The following PPARGC1A variants were observed in gnomAD, a reference collection of about 807,000 sequenced individuals.
The protein encoded by PPARGC1A is peroxisome proliferator-activated receptor gamma coactivator 1-alpha.
PPARGC1A carries 25 observed loss-of-function variants against 88.7 expected under a neutral mutation model. That is an observed-to-expected ratio of 0.28 (90% CI 0.21 to 0.39). The LOEUF is 0.39. PPARGC1A is among the 10% of genes least tolerant of loss of function. The pLI is 1.00. For missense variants in PPARGC1A, 880 were observed against 968.7 expected (o/e 0.91, Z 1.22); for synonymous variants, 363 against 355.6 (o/e 1.02, Z -0.24).
At chr4:24,170,037 C>T in the PPARGC1A span, among the ~76,000 whole-genome samples, 1 of 152,152 alleles carries the variant, frequency 6.6e-6, no homozygotes, top group African/African-American at 2.4e-5. Context: ...ACACTTTCCA[C>T]AATAGGTGGC....
chr4:24,222,957 C>A, the PPARGC1A span, among the ~76,000 whole-genome samples: 1 of 151,990 alleles, frequency 6.6e-6, no homozygotes, highest in African/African-American at 2.4e-5. Flanking sequence ...GCAAAAGAAA[C>A]AAAACTAAGC....
the PPARGC1A span, among the ~76,000 whole-genome samples, chr4:24,241,749 A>T: frequency 6.6e-6 from 1 of 152,190 alleles, no homozygotes; most frequent in Non-Finnish European, 1.5e-5. Flanking sequence ...GCAACTCCAA[A>T]CATCCAGATG....
intron 8 of PPARGC1A, 41 bp from the exon 9 acceptor site, chr4:23,813,166 C>T: frequency 3.9e-6 from 6 of 1,547,840 alleles, no homozygotes; most frequent in Non-Finnish European, 5.4e-6. Flanking sequence ...TTTGCAACTG[C>T]CACTTAACCC....
the PPARGC1A span, among the ~76,000 whole-genome samples, chr4:24,244,634 A>G: frequency 6.6e-6 from 1 of 152,200 alleles, no homozygotes; most frequent in African/African-American, 2.4e-5. Context: ...GTCACACTAA[A>G]TCAACCAGGG....
At chr4:23,868,791 T>G (rs1421233306) in intron 2 of PPARGC1A, among the ~76,000 whole-genome samples, 2 of 152,154 alleles carry the variant, frequency 1.3e-5, no homozygotes, top group African/African-American at 4.8e-5. Context: ...AAACAACCAG[T>G]CTTTAAAATA....
chr4:24,004,700 A>G, the PPARGC1A span, among the ~76,000 whole-genome samples: 1 of 152,200 alleles, frequency 6.6e-6, no homozygotes, highest in African/African-American at 2.4e-5. Context: ...ATAATTCAAC[A>G]GTTGAAGAAC....
the PPARGC1A span, among the ~76,000 whole-genome samples, chr4:24,428,479 A>T: frequency 6.6e-6 from 1 of 152,204 alleles, no homozygotes; most frequent in Non-Finnish European, 1.5e-5. Flanking sequence ...CTTCAAAACA[A>T]TCCTGTAGGG....
chr4:23,957,611 T>C, the PPARGC1A span, among the ~76,000 whole-genome samples: 1 of 152,090 alleles, frequency 6.6e-6, no homozygotes, highest in African/African-American at 2.4e-5. Flanking sequence ...GCCTACAGCA[T>C]GCCAGGCACC....
the PPARGC1A span, among the ~76,000 whole-genome samples, chr4:24,349,185 C>T: frequency 6.6e-6 from 1 of 152,212 alleles, no homozygotes; most frequent in East Asian, 1.9e-4. Flanking sequence ...ATACCGGTGC[C>T]TGTTCTGGTG....
At chr4:24,299,681 C>T in the PPARGC1A span, among the ~76,000 whole-genome samples, 1 of 151,830 alleles carries the variant, frequency 6.6e-6, no homozygotes, top group African/African-American at 2.4e-5. Flanking sequence ...TGGCACCGAG[C>T]ATAACAAACT....
In PPARGC1A at chr4:23,795,936, A is replaced by C. The variant is rs45595538; in HGVS notation, c.2294-11T>G. The C allele has an allele frequency of 1.9e-6, 3 of 1,596,946 alleles. No individual in the cohort carries two copies. Among genetic ancestry groups the C allele is most frequent in the Non-Finnish European group, 2.6e-6 (3 of 1,166,194 alleles). ...CATCTGAGTTTGAATCTGAAAAAAA[A>C]CACAAGCCAGTTTAGATACACACTT... On this transcript the variant is annotated splice_polypyrimidine_tract_variant and intron_variant, in intron 12 of 12. Coordinates refer to ENST00000264867, the MANE Select transcript of PPARGC1A (RefSeq NM_013261.5).
At chr4:23,805,711 G>A (rs552988009) in intron 10 of PPARGC1A, among the ~76,000 whole-genome samples, 13 of 152,200 alleles carry the variant, frequency 8.5e-5, no homozygotes, top group East Asian at 3.9e-4. Context: ...ATTTCCTGGC[G>A]CCTGCTTTCA....
the PPARGC1A span, among the ~76,000 whole-genome samples, chr4:24,182,495 T>A: frequency 9.2e-5 from 14 of 152,332 alleles, no homozygotes; most frequent in African/African-American, 3.4e-4. Context: ...TGATTTATAA[T>A]CCTTTGGGTA....
At chr4:24,407,203 T>C in the PPARGC1A span, among the ~76,000 whole-genome samples, 1 of 152,240 alleles carries the variant, frequency 6.6e-6, no homozygotes, top group Non-Finnish European at 1.5e-5. Flanking sequence ...AGGGTTAATT[T>C]AAAAGACAGC....
At chr4:24,134,320 C>T in the PPARGC1A span, among the ~76,000 whole-genome samples, 1 of 152,220 alleles carries the variant, frequency 6.6e-6, no homozygotes, top group Non-Finnish European at 1.5e-5. Flanking sequence ...GCAAATTTAC[C>T]ATCATGTTCC....
the PPARGC1A span, among the ~76,000 whole-genome samples, chr4:24,170,141 G>A: frequency 1.1e-4 from 16 of 152,290 alleles, no homozygotes; most frequent in South Asian, 3.3e-3. Flanking sequence ...AGAAAGCATA[G>A]CAGGTGGTGC....
chr4:23,923,865 A>G, the PPARGC1A span, among the ~76,000 whole-genome samples: 1 of 152,146 alleles, frequency 6.6e-6, no homozygotes, highest in East Asian at 1.9e-4. Context: ...TTATATTCTC[A>G]TTCTTTTTGC....
chr4:24,283,632 A>G, the PPARGC1A span, among the ~76,000 whole-genome samples: 1 of 152,190 alleles, frequency 6.6e-6, no homozygotes, highest in African/African-American at 2.4e-5. Flanking sequence ...TTTTGCCTGC[A>G]TCATCTCAGT....
At chr4:24,158,277 C>G in the PPARGC1A span, among the ~76,000 whole-genome samples, 1 of 152,274 alleles carries the variant, frequency 6.6e-6, no homozygotes, top group African/African-American at 2.4e-5. Flanking sequence ...GTCACTTTCT[C>G]TCTCATTATC....
Sources: allele counts gnomAD v4.1 joint callset (sites outside exome capture counted in the v4.1 genomes callset), GRCh38; gene constraint gnomAD v4.1.1; transcripts MANE v1.5; gene names NCBI Gene and HGNC (gene_info 2026-07-23, HGNC 2026-07-21).